The following CACNA2D3 variants were observed in gnomAD, a reference collection of about 807,000 sequenced individuals.
CACNA2D3 encodes voltage-dependent calcium channel subunit alpha-2/delta-3.
CACNA2D3 carries 60 observed loss-of-function variants against 160.6 expected under a neutral mutation model. The ratio of observed to expected loss-of-function variants is 0.37; its 90% confidence interval spans 0.30 to 0.46. CACNA2D3 has a LOEUF of 0.46. CACNA2D3 is among the 20% of genes least tolerant of loss of function. The pLI, the probability that CACNA2D3 is intolerant of heterozygous loss-of-function variation, is 1.00. For synonymous variants in CACNA2D3, 558 were observed against 492.9 expected, an observed-to-expected ratio of 1.13 and a Z score of -1.75; for missense variants, 1,205 against 1,365.0, an observed-to-expected ratio of 0.88 and a Z score of 1.85.
At chr3:54,764,146 G>T in intron 12 of CACNA2D3, 72 bp from the exon 13 acceptor site, 1 of 1,522,594 alleles carries the variant, frequency 6.6e-7, no homozygotes, top group South Asian at 1.2e-5. Context: ...AAGAAGGCAT[G>T]GCATATGCAT....
intron 2 of CACNA2D3, among the ~76,000 whole-genome samples, chr3:54,276,817 C>G (rs530749752): frequency 3.3e-5 from 5 of 152,120 alleles, no homozygotes; most frequent in Non-Finnish European, 5.9e-5. Context: ...CCAACTGTTG[C>G]GTCTAAACCC....
chr3:54,306,881 A>G (rs1210740183), intron 2 of CACNA2D3, among the ~76,000 whole-genome samples: 1 of 152,188 alleles, frequency 6.6e-6, no homozygotes, highest in African/African-American at 2.4e-5. Context: ...AGCATGTTCA[A>G]AGAACTGGAC....
At chr3:54,448,083 C>G (rs1310258530) in intron 4 of CACNA2D3, among the ~76,000 whole-genome samples, 1 of 152,174 alleles carries the variant, frequency 6.6e-6, no homozygotes, top group East Asian at 1.9e-4. Flanking sequence ...CAGAATCCTA[C>G]TTTTCTGCAT....
At chr3:54,574,027 C>T (rs1199097086) in intron 8 of CACNA2D3, among the ~76,000 whole-genome samples, 7 of 152,110 alleles carry the variant, frequency 4.6e-5, no homozygotes, top group African/African-American at 9.7e-5. Context: ...ATATTTGAAA[C>T]GCCATCCAGA....
Position 54,957,124 on chromosome 3 carries a change from T to C in CACNA2D3, c.2450-11326T>C, listed in dbSNP as rs556603820. On this transcript the variant is annotated intron_variant, in intron 27 of 37. Coordinates refer to ENST00000474759, the MANE Select transcript of CACNA2D3 (RefSeq NM_018398.3). ...TGATTATTACTACTGCTATGATTAC[T>C]ATGTGATATAATTCCTATGAATCAA... Among the ~76,000 whole-genome samples the C allele has an allele frequency of 5.9e-5, 9 of 152,212 alleles. No individual in the cohort carries two copies. In the South Asian group the frequency reaches 1.5e-3, roughly 25 times the overall value.
chr3:54,261,004 A>G (rs968898316), intron 2 of CACNA2D3, among the ~76,000 whole-genome samples: 1 of 152,170 alleles, frequency 6.6e-6, no homozygotes, highest in Non-Finnish European at 1.5e-5. Flanking sequence ...TAGAATGTAA[A>G]CATCATGAGA....
intron 11 of CACNA2D3, among the ~76,000 whole-genome samples, chr3:54,689,008 A>T (rs658852): frequency 1.6e-5 from 1 of 63,644 alleles, no homozygotes; most frequent in Non-Finnish European, 3.0e-5. Flanking sequence ...AAAAAAAAAA[A>T]AAAGAATGAG....
At chr3:54,235,815 C>T (rs1007264835) in intron 2 of CACNA2D3, among the ~76,000 whole-genome samples, 1 of 152,190 alleles carries the variant, frequency 6.6e-6, no homozygotes, top group Non-Finnish European at 1.5e-5. Flanking sequence ...GCTCCGGCTT[C>T]CGGGAGGTGT....
intron 27 of CACNA2D3, among the ~76,000 whole-genome samples, chr3:54,917,280 G>A (rs962054842): frequency 2.6e-5 from 4 of 152,138 alleles, no homozygotes; most frequent in Non-Finnish European, 4.4e-5. Context: ...AATTCACTTT[G>A]CATGCAACTC....
chr3:54,134,574 A>G (rs1699781735), intron 2 of CACNA2D3, among the ~76,000 whole-genome samples: 1 of 152,126 alleles, frequency 6.6e-6, no homozygotes, highest in South Asian at 2.1e-4. Flanking sequence ...TTACTCTCCA[A>G]CGCCAGGGTT....
chr3:54,171,135 A>ATTTTTTTTTTT (rs1700557445), intron 2 of CACNA2D3, among the ~76,000 whole-genome samples: 5 of 18,746 alleles, frequency 2.7e-4, no homozygotes, highest in Admixed American at 5.9e-4. Context: ...AAAGATGATG[A>ATTTTTTTTTTT]CTTTTTTTTT....
At chr3:54,155,052 CAA>C (rs1164363425) in intron 2 of CACNA2D3, among the ~76,000 whole-genome samples, 2 of 152,164 alleles carry the variant, frequency 1.3e-5, no homozygotes, top group East Asian at 1.9e-4. Flanking sequence ...GAAAACAAAA[CAA>C]GAGCATTAAA....
At chr3:54,545,527 ACTT>A (rs1248834086) in intron 5 of CACNA2D3, among the ~76,000 whole-genome samples, 1 of 152,114 alleles carries the variant, frequency 6.6e-6, no homozygotes, top group East Asian at 1.9e-4. Flanking sequence ...CCCACGAAGC[ACTT>A]CTTTCTTTTT....
intron 6 of CACNA2D3, among the ~76,000 whole-genome samples, chr3:54,569,384 C>T (rs555501044): frequency 9.9e-5 from 15 of 152,244 alleles, no homozygotes; most frequent in South Asian, 4.1e-4. Context: ...CTCCTGTAGA[C>T]ATTACATCAC....
intron 2 of CACNA2D3, among the ~76,000 whole-genome samples, chr3:54,138,285 T>C (rs995918349): frequency 2.6e-5 from 4 of 152,134 alleles, no homozygotes; most frequent in African/African-American, 9.7e-5. Flanking sequence ...GGCTATGCAA[T>C]GTGGAAGGCC....
chr3:54,613,586 T>A (rs1698787392), intron 9 of CACNA2D3, among the ~76,000 whole-genome samples: 1 of 152,234 alleles, frequency 6.6e-6, no homozygotes, highest in African/African-American at 2.4e-5. Context: ...ACCTACAGCA[T>A]GTCATTCCAT....
chr3:54,215,206 T>C (rs1283963038), intron 2 of CACNA2D3, among the ~76,000 whole-genome samples: 1 of 152,214 alleles, frequency 6.6e-6, no homozygotes, highest in African/African-American at 2.4e-5. Context: ...TTTATTAAGG[T>C]ATAATTTACA....
rs73093852 is a variant in CACNA2D3, at chr3:54,549,978, G to A, written c.545-12822G>A. ...CTTCCCTGAGTGAATATCAGGAATCGGTTCTTGCTAAATGATGACAGCTGT... is the reference window on the plus strand; with the variant it reads ...CTTCCCTGAGTGAATATCAGGAATCAGTTCTTGCTAAATGATGACAGCTGT... On this transcript the variant is annotated intron_variant, in intron 5 of 37. Transcript: ENST00000474759. Among the ~76,000 whole-genome samples the A allele has an allele frequency of 5.4e-3, 819 of 152,254 alleles. 3 individuals carry two copies. Among genetic ancestry groups the A allele is most frequent in the Non-Finnish European group, 9.4e-3 (641 of 68,028 alleles).
intron 27 of CACNA2D3, among the ~76,000 whole-genome samples, chr3:54,919,483 C>T (rs1208452537): frequency 2.6e-5 from 4 of 152,282 alleles, no homozygotes; most frequent in Middle Eastern, 6.8e-3. Context: ...GAATGTGTCT[C>T]CTCAGGCCTC....
Sources: gnomAD v4.1 joint callset for allele counts (sites outside exome capture counted in the v4.1 genomes callset) on GRCh38, gnomAD v4.1.1 for gene constraint, MANE v1.5 for transcripts, NCBI Gene and HGNC (gene_info 2026-07-23, HGNC 2026-07-21) for gene names.